The following PCDHA4 variants were observed in gnomAD, a reference collection of about 807,000 sequenced individuals.
PCDHA4 encodes protocadherin alpha-4.
In PCDHA4, 49 loss-of-function variants were observed where a neutral mutation model predicts 61.4. The ratio of observed to expected loss-of-function variants is 0.80; its 90% confidence interval spans 0.63 to 1.01. The LOEUF is 1.01. Among genes scored for constraint, PCDHA4 ranks in the 50% least tolerant of loss-of-function variants. The pLI is 0.00. For synonymous variants in PCDHA4, 590 were observed against 550.3 expected (o/e 1.07, Z -1.01); for missense variants, 1,254 against 1,235.8 (o/e 1.01, Z -0.22).
chr5:140,889,035 T>C (rs1554183751), intron 1 of PCDHA4, among the ~76,000 whole-genome samples: 2 of 152,104 alleles, frequency 1.3e-5, no homozygotes. Flanking sequence ...AACCGTAATT[T>C]GATTATAATT....
chr5:140,807,583 G>T lies in PCDHA4; in HGVS notation c.396G>T (p.Val132=), dbSNP rs1554124096. The change falls in exon 1 of 4, where the codon GTG becomes GTT. Residue 132 remains valine, a synonymous_variant. Coordinates refer to ENST00000530339, the MANE Select transcript of PCDHA4 (RefSeq NM_018907.4). ...GGGACATTAACGATAACCCGCCGGT[G>T]TTCCCAGCAACACAAAAGAACCTGT... ...EVRDINDNPP[V]FPATQKNLSI... The T allele has an allele frequency of 3.1e-6, 5 of 1,614,178 alleles. No homozygotes were observed.
intron 1 of PCDHA4, among the ~76,000 whole-genome samples, chr5:140,959,240 G>A (rs1554223957): frequency 1.3e-5 from 2 of 152,074 alleles, no homozygotes; most frequent in African/African-American, 4.8e-5. Flanking sequence ...ATCTGGGCAT[G>A]ATAGTGCATG....
At chr5:140,828,667 T>G in intron 1 of PCDHA4, 3 of 1,614,172 alleles carry the variant, frequency 1.9e-6, no homozygotes, top group Non-Finnish European at 2.5e-6. Flanking sequence ...ATAAACAAAT[T>G]GGGCTCTTAT....
intron 1 of PCDHA4, among the ~76,000 whole-genome samples, chr5:140,904,548 A>T (rs1280388333): frequency 1.3e-5 from 2 of 152,050 alleles, no homozygotes; most frequent in Admixed American, 1.3e-4. Flanking sequence ...TCTTTTTCAT[A>T]TAATGACTTT....
intron 1 of PCDHA4, among the ~76,000 whole-genome samples, chr5:140,909,950 C>T (rs940175754): frequency 1.3e-5 from 2 of 152,168 alleles, no homozygotes; most frequent in African/African-American, 4.8e-5. Flanking sequence ...GGTAAAAAGC[C>T]GTAGGTCTCC....
At position 140,923,318 on chromosome 5, in the gene PCDHA4, A is replaced by G. The variant is rs189105018; in HGVS notation, c.2386-55631A>G. Among the ~76,000 whole-genome samples the G allele has an allele frequency of 8.1e-3, 1,226 of 152,276 alleles. 6 individuals are homozygous for G. The highest frequency in any genetic ancestry group is 0.019 in the African/African-American group (794 of 41,558). On this transcript the variant is annotated intron_variant, in intron 1 of 3. Transcript: ENST00000530339. ...CTGGGCGTGGGGGCGCTTGGCCTAG[A>G]AGTTCAAGGACAGTTTGGGCAACAT...
intron 1 of PCDHA4, chr5:140,870,911 A>C (rs782609021): frequency 6.2e-7 from 1 of 1,613,910 alleles, no homozygotes; most frequent in Non-Finnish European, 8.5e-7. Context: ...TCAGGCTACA[A>C]CGCGTGGCTT....
chr5:140,848,406 G>C, intron 1 of PCDHA4: 2 of 1,338,990 alleles, frequency 1.5e-6, no homozygotes, highest in Admixed American at 4.3e-5. Context: ...GAACGATGGC[G>C]AACACAGCAG....
intron 1 of PCDHA4, among the ~76,000 whole-genome samples, chr5:140,885,818 G>C (rs2060726718): frequency 6.6e-6 from 1 of 151,914 alleles, no homozygotes; most frequent in African/African-American, 2.4e-5. Flanking sequence ...ATTTGTATTT[G>C]ATCTTCTTTG....
Position 140,822,123 on chromosome 5 carries a change from C to T in PCDHA4, c.2385+12551C>T, listed in dbSNP as rs2150113831. On this transcript the variant is annotated intron_variant, in intron 1 of 3. Transcript: ENST00000530339. The stretch of plus-strand genomic sequence containing the variant: ...TCGTGGACAGGCCGCTGCAGGTTTT[C>T]CATGTGGAGGTGGCAGTGAAGGACA... The T allele has an allele frequency of 7.4e-6, 12 of 1,614,116 alleles. 1 individual carries two copies. In the Middle Eastern group the frequency reaches 1.2e-3, roughly 155 times the overall value.
At position 140,968,564 on chromosome 5, in the gene PCDHA4, G is replaced by A. The variant is rs565573880; in HGVS notation, c.2386-10385G>A. ...CGAGATGGTGCCTCGAACTGCCCCT[G>A]CTGGCTACCTGGTCACCAAAGTCAT... On this transcript the variant is annotated intron_variant, in intron 1 of 3. Coordinates refer to ENST00000530339, the MANE Select transcript of PCDHA4 (RefSeq NM_018907.4). 3.1e-6 allele frequency: 5 copies of A among 1,614,168 alleles called. No homozygotes were observed. The Admixed American group carries it at 8.3e-5, about 27-fold the overall frequency.
intron 1 of PCDHA4, among the ~76,000 whole-genome samples, chr5:140,892,696 C>T (rs1005435710): frequency 4.6e-5 from 7 of 152,098 alleles, no homozygotes; most frequent in Admixed American, 6.6e-5. Context: ...ATAATAAAAT[C>T]AGGGTAATTA....
rs2150355874 is a variant in PCDHA4, at chr5:140,843,244, C to G, written c.2385+33672C>G. 38 of 1,595,906 alleles carry G rather than the reference C, an allele frequency of 2.4e-5. 6 individuals carry two copies. The Middle Eastern group carries it at 6.6e-4, about 28-fold the overall frequency. On this transcript the variant is annotated intron_variant, in intron 1 of 3. Transcript: ENST00000530339. ...CCACTCGTGTCCTGGACGAAGCGGA[C>G]TCTCCGCGCCACCGTCTGCTGGTCC...
chr5:140,823,759 G>A (rs2150128860), intron 1 of PCDHA4: 6 of 1,613,792 alleles, frequency 3.7e-6, no homozygotes, highest in South Asian at 2.2e-5. Context: ...GACAGCCACA[G>A]CCACAGTGCT....
At chr5:140,904,826 TTA>T (rs1554191735) in intron 1 of PCDHA4, among the ~76,000 whole-genome samples, 2 of 152,206 alleles carry the variant, frequency 1.3e-5, no homozygotes, top group South Asian at 4.1e-4. Context: ...GAGCATTTTT[TTA>T]TATGTTTCAT....
chr5:140,903,857 T>C (rs2070669832), intron 1 of PCDHA4, among the ~76,000 whole-genome samples: 1 of 152,172 alleles, frequency 6.6e-6, no homozygotes, highest in South Asian at 2.1e-4. Context: ...TAACAAATAA[T>C]ATAGAGTAAA....
At chr5:140,982,688 A>ATACATACATGATTTCCT in intron 3 of PCDHA4, 125 bp downstream of exon 3, 1 of 1,415,764 alleles carries the variant, frequency 7.1e-7, no homozygotes, top group Non-Finnish European at 9.3e-7. Flanking sequence ...CCTTTTTTCC[A>ATACATACATGATTTCCT]TACATACATG....
chr5:140,883,242 A>C (rs1562785855), intron 1 of PCDHA4: 2 of 1,614,066 alleles, frequency 1.2e-6, no homozygotes, highest in Non-Finnish European at 1.7e-6. Context: ...GCAGTTGACA[A>C]AGGAAATATT....
intron 1 of PCDHA4, among the ~76,000 whole-genome samples, chr5:140,938,925 CT>C (rs1316558463): frequency 2.0e-5 from 3 of 151,992 alleles, no homozygotes; most frequent in African/African-American, 7.2e-5. Flanking sequence ...AAGAAATTGG[CT>C]TTTAACTTTC....
Sources: allele counts gnomAD v4.1 joint callset (sites outside exome capture counted in the v4.1 genomes callset), GRCh38; gene constraint gnomAD v4.1.1; transcripts MANE v1.5; gene names NCBI Gene and HGNC (gene_info 2026-07-23, HGNC 2026-07-21).